The following PHLPP1 variants were observed in gnomAD, a reference collection of about 807,000 sequenced individuals.
The protein encoded by PHLPP1 is PH domain and leucine rich repeat protein phosphatase 1.
A neutral mutation model predicts 117.2 loss-of-function variants in PHLPP1; 42 were observed. The observed-to-expected ratio is 0.36, with a 90% CI of 0.28 to 0.46. The LOEUF is 0.46. Ranked by LOEUF, PHLPP1 falls within the 20% of genes least tolerant of loss-of-function variation. PHLPP1 has a pLI of 1.00. For synonymous variants in PHLPP1, 1,042 were observed against 970.7 expected (o/e 1.07, Z -1.37); for missense variants, 2,084 against 2,241.9 (o/e 0.93, Z 1.42).
chr18:62,845,718 C>T (rs1915164129), intron 3 of PHLPP1, among the ~76,000 whole-genome samples: 2 of 152,186 alleles, frequency 1.3e-5, no homozygotes, highest in South Asian at 4.1e-4. Context: ...CTTTTGTTAG[C>T]ATGGTCTGCC....
chr18:62,810,362 A>T (rs980164908), intron 1 of PHLPP1, among the ~76,000 whole-genome samples: 1 of 151,484 alleles, frequency 6.6e-6, no homozygotes, highest in Admixed American at 6.6e-5. Context: ...TGATTAAGTA[A>T]TTTTTTTTTG....
At chr18:62,860,053 G>A (rs1282937718) in intron 3 of PHLPP1, among the ~76,000 whole-genome samples, 1 of 152,160 alleles carries the variant, frequency 6.6e-6, no homozygotes, top group African/African-American at 2.4e-5. Flanking sequence ...ACACACCTAG[G>A]CTATTGCTCC....
At chr18:62,723,069 T>C (rs1391437694) in intron 1 of PHLPP1, among the ~76,000 whole-genome samples, 1 of 152,254 alleles carries the variant, frequency 6.6e-6, no homozygotes, top group Non-Finnish European at 1.5e-5. Flanking sequence ...TTTTTCCCTG[T>C]TGTATTTTTT....
At chr18:62,867,475 G>A (rs1453035108) in intron 4 of PHLPP1, among the ~76,000 whole-genome samples, 2 of 152,112 alleles carry the variant, frequency 1.3e-5, no homozygotes, top group African/African-American at 4.8e-5. Context: ...CACAGCTAAG[G>A]GATTTAATTG....
chr18:62,968,243 C>T (rs1241568031), intron 14 of PHLPP1, among the ~76,000 whole-genome samples: 1 of 152,146 alleles, frequency 6.6e-6, no homozygotes, highest in Non-Finnish European at 1.5e-5. Flanking sequence ...GGTTTGGTAT[C>T]AGGGTAATGC....
At chr18:62,919,075 TAATA>T (rs938401705) in intron 9 of PHLPP1, among the ~76,000 whole-genome samples, 2 of 152,168 alleles carry the variant, frequency 1.3e-5, no homozygotes, top group Non-Finnish European at 2.9e-5. Context: ...GACAGCAGAT[TAATA>T]AATTAATTTA....
intron 2 of PHLPP1, 149 bp from the exon 3 acceptor site, chr18:62,838,635 A>G (rs1914972911): frequency 1.6e-6 from 1 of 634,452 alleles, no homozygotes; most frequent in Non-Finnish European, 2.6e-6. Context: ...GGGTGATCAT[A>G]TGCAGGAACT....
At chr18:62,968,103 G>A (rs181154171) in intron 14 of PHLPP1, among the ~76,000 whole-genome samples, 3 of 152,268 alleles carry the variant, frequency 2.0e-5, no homozygotes, top group Non-Finnish European at 2.9e-5. Context: ...GATTACAGGC[G>A]TGAGCTACCA....
chr18:62,845,237 G>A (rs1170732046), intron 3 of PHLPP1, among the ~76,000 whole-genome samples: 4 of 152,088 alleles, frequency 2.6e-5, no homozygotes, highest in Non-Finnish European at 4.4e-5. Flanking sequence ...GACTGTGACT[G>A]TCACAGTCGT....
At chr18:62,926,383 G>T (rs767436053) in intron 10 of PHLPP1, among the ~76,000 whole-genome samples, 1 of 152,156 alleles carries the variant, frequency 6.6e-6, no homozygotes, top group African/African-American at 2.4e-5. Flanking sequence ...AAGTATTCCT[G>T]TGTTCAGCTG....
chr18:62,821,548 C>CAAAAAAAAAAAAAA (rs1568127680), intron 1 of PHLPP1, among the ~76,000 whole-genome samples: 5 of 29,324 alleles, frequency 1.7e-4, no homozygotes, highest in African/African-American at 3.6e-4. Context: ...GACCCTTTAT[C>CAAAAAAAAAAAAAA]CAAAAAAAAA....
chr18:62,884,201 A>G (rs909865851), intron 4 of PHLPP1, among the ~76,000 whole-genome samples: 1 of 152,258 alleles, frequency 6.6e-6, no homozygotes, highest in Non-Finnish European at 1.5e-5. Context: ...ATTTGCAGAA[A>G]AAATATATGT....
intron 1 of PHLPP1, among the ~76,000 whole-genome samples, chr18:62,803,975 G>T (rs1295155867): frequency 2.6e-5 from 4 of 151,948 alleles, no homozygotes; most frequent in African/African-American, 7.3e-5. Flanking sequence ...GGGGTGGGTG[G>T]GTGTGTGTAT....
chr18:62,830,724 A>G (rs781048891), intron 2 of PHLPP1, among the ~76,000 whole-genome samples: 11 of 152,094 alleles, frequency 7.2e-5, no homozygotes, highest in Non-Finnish European at 1.5e-4. Flanking sequence ...TGAGGCCTTG[A>G]TGATTATTGT....
At chr18:62,761,831 C>T (rs1912252396) in intron 1 of PHLPP1, among the ~76,000 whole-genome samples, 1 of 151,956 alleles carries the variant, frequency 6.6e-6, no homozygotes, top group Non-Finnish European at 1.5e-5. Flanking sequence ...TGGTCTTGAA[C>T]TCTTGGCCCT....
intron 4 of PHLPP1, 62 bp downstream of exon 4, chr18:62,860,663 G>C: frequency 3.1e-6 from 4 of 1,310,050 alleles, no homozygotes; most frequent in Non-Finnish European, 4.3e-6. Flanking sequence ...ACTTCTGCTT[G>C]TTATCTCTTG....
intron 1 of PHLPP1, among the ~76,000 whole-genome samples, chr18:62,788,816 T>C (rs1166433902): frequency 6.6e-6 from 1 of 152,208 alleles, no homozygotes; most frequent in African/African-American, 2.4e-5. Flanking sequence ...CCCTTTTTCC[T>C]ATATATTTCT....
chr18:62,776,930 T>TG (rs1912978115), intron 1 of PHLPP1, among the ~76,000 whole-genome samples: 1 of 152,192 alleles, frequency 6.6e-6, no homozygotes, highest in East Asian at 1.9e-4. Context: ...TTGTATTGTA[T>TG]GAATACATGA....
chr18:62,716,961 G>A lies in PHLPP1; in HGVS notation c.1278G>A (p.Pro426=), dbSNP rs1055192840. Residue 426 remains proline, a synonymous_variant, in exon 1 of 17, where the codon CCG becomes CCA. Transcript: ENST00000262719. This position sits in a 1 kb window ranked among gnomAD's most constrained non-coding sequence, Gnocchi z 5.7. The stretch of plus-strand genomic sequence containing the variant: ...AAGCCCCGAGGGCCATTGACAGCCC[G>A]GGCGGGGCCGTCCGCGAGGGGTCGT... ...QQKAPRAIDS[P]GGAVREGSCE... 383 of 1,539,074 alleles carry A rather than the reference G, an allele frequency of 2.5e-4. No homozygotes were observed. The highest frequency in any genetic ancestry group is 3.2e-4 in the Non-Finnish European group (372 of 1,146,056).
Sources: gnomAD v4.1 joint callset for allele counts (sites outside exome capture counted in the v4.1 genomes callset) on GRCh38, gnomAD v4.1.1 for gene constraint, Gnocchi (gnomAD v3.1) non-coding constraint, MANE v1.5 for transcripts, NCBI Gene and HGNC (gene_info 2026-07-23, HGNC 2026-07-21) for gene names.